Variants in DIDO1 observed in about 807,000 individuals in gnomAD.
DIDO1 encodes the protein death inducer-obliterator 1, also known as death-inducer obliterator 1.
A neutral mutation model predicts 99.4 loss-of-function variants in DIDO1; 16 were observed. That is an observed-to-expected ratio of 0.16 (90% CI 0.11 to 0.24). The LOEUF (loss-of-function observed/expected upper bound fraction) is 0.24. DIDO1 is among the 10% of genes least tolerant of loss of function. The pLI, the probability that DIDO1 is intolerant of heterozygous loss-of-function variation, is 1.00. For synonymous variants in DIDO1, 1,366 were observed against 1,239.1 expected, an observed-to-expected ratio of 1.10 and a Z score of -2.15; for missense variants, 2,996 against 3,014.0, an observed-to-expected ratio of 0.99 and a Z score of 0.14.
rs2065001381 is a variant in DIDO1 at position 62,914,362 on chromosome 20, TCAA to T, written c.-158_-156del. The T allele has an allele frequency of 6.6e-6, 1 of 152,310 alleles. No individual in the cohort carries two copies. The highest frequency in any genetic ancestry group is 2.1e-4 in the South Asian group (1 of 4,826). 9.4% of individuals were successfully genotyped at this position (152,310 alleles called of 1,614,324 possible). A position where few individuals can be genotyped will look rare whatever the true frequency, so the allele number is the denominator to read the frequency against. Reference sequence around the variant, plus strand: ...TTCACGAGTAACAGGCTTCGTATTTTCAACAACTCAGATTATCTAGAGGCTGTT... The same window carrying T: ...TTCACGAGTAACAGGCTTCGTATTTTCAACTCAGATTATCTAGAGGCTGTT... On this transcript the variant is annotated 5_prime_UTR_variant, in exon 2 of 16. Transcript: ENST00000395343.
At position 62,904,547 on chromosome 20, in the gene DIDO1, G is replaced by A. The variant is rs141361266; in HGVS notation, c.1588+1340C>T. Among the ~76,000 whole-genome samples the A allele has an allele frequency of 2.7e-3, 404 of 152,096 alleles. 1 individual carries two copies. Among genetic ancestry groups the A allele is most frequent in the African/African-American group, 9.0e-3 (374 of 41,488 alleles). On this transcript the variant is annotated intron_variant, in intron 6 of 15. Coordinates refer to ENST00000395343, the MANE Select transcript of DIDO1 (RefSeq NM_001193369.2). Reference sequence around the variant, plus strand: ...GCAATTCCAGCACTCTGGGAAGGCCGAGTTGGGCAGATCACATGAGGCCAG... The same window carrying A: ...GCAATTCCAGCACTCTGGGAAGGCCAAGTTGGGCAGATCACATGAGGCCAG...
intron 1 of DIDO1, among the ~76,000 whole-genome samples, chr20:62,935,581 G>A (rs1402670691): frequency 6.6e-6 from 1 of 152,176 alleles, no homozygotes; most frequent in Non-Finnish European, 1.5e-5. Flanking sequence ...GCCTAGGGAA[G>A]GCTGTTAGCT....
chr20:62,917,945 A>AACACAAAGAACTGTGGC (rs2065068512), intron 1 of DIDO1, among the ~76,000 whole-genome samples: 1 of 152,226 alleles, frequency 6.6e-6, no homozygotes, highest in Admixed American at 6.5e-5. Flanking sequence ...GAGTCCATGA[A>AACACAAAGAACTGTGGC]ACACAAAGAA....
In DIDO1 at chr20:62,895,108, T is replaced by G; in HGVS notation, c.2272A>C (p.Lys758Gln). ...TCTTTAGATACAAGTTCTTCTGGCT[T>G]CAGTCTCACAAGTTTCGCCAAAGAG... is the stretch of plus-strand genomic sequence containing the variant. Reference protein sequence around the residue: ...EISLAKLVRLKPEELVSKELS... With the variant: ...EISLAKLVRLQPEELVSKELS... Residue 758 changes from lysine to glutamine, a missense_variant, in exon 9 of 16, where the codon AAG becomes CAG. Physicochemically the swap from Lys to Gln is moderately conservative, Grantham distance 53. This residue lies in a region of DIDO1 where 898 missense variants were observed against 972.7 expected (regional missense o/e 0.92). Coordinates refer to ENST00000395343, the MANE Select transcript of DIDO1 (RefSeq NM_001193369.2). The G allele has an allele frequency of 2.5e-6, 4 of 1,612,044 alleles. No homozygotes were observed. The highest frequency in any genetic ancestry group is 3.4e-6 in the Non-Finnish European group (4 of 1,178,232).
At chr20:62,907,874 G>C (rs1174589776) in intron 4 of DIDO1, among the ~76,000 whole-genome samples, 2 of 152,274 alleles carry the variant, frequency 1.3e-5, no homozygotes, top group African/African-American at 4.8e-5. Flanking sequence ...GCTAGGATCT[G>C]AGGGCAAGGC....
intron 4 of DIDO1, among the ~76,000 whole-genome samples, chr20:62,909,344 G>A (rs112393065): frequency 3.3e-5 from 5 of 152,342 alleles, no homozygotes; most frequent in South Asian, 2.1e-4. Context: ...CAAGCACCCC[G>A]AGGAGCCAGC....
intron 15 of DIDO1, chr20:62,888,626 CA>C (rs1254392322): frequency 1.0e-6 from 1 of 985,480 alleles, no homozygotes; most frequent in Non-Finnish European, 1.2e-6. Context: ...TCCGCTGAGA[CA>C]GGGGAAACAT....
At chr20:62,902,679 C>T (rs2064710441) in intron 6 of DIDO1, among the ~76,000 whole-genome samples, 1 of 152,210 alleles carries the variant, frequency 6.6e-6, no homozygotes, top group Non-Finnish European at 1.5e-5. Flanking sequence ...GTCCATTTCA[C>T]CCCACCAGGG....
At chr20:62,937,074 G>C (rs911883445) in intron 1 of DIDO1, among the ~76,000 whole-genome samples, 3 of 152,214 alleles carry the variant, frequency 2.0e-5, no homozygotes, top group African/African-American at 7.2e-5. Context: ...TCGCTGAGTA[G>C]ACCGACCGAC....
At chr20:62,927,884 T>C (rs78390644), upstream of DIDO1, among the ~76,000 whole-genome samples, 132 of 152,246 alleles carry the variant, frequency 8.7e-4, 1 homozygote, top group East Asian at 0.019. Context: ...CCATCTTGAG[T>C]GTGATCTCAG....
At chr20:62,899,154 C>CA (rs1300784992) in intron 6 of DIDO1, among the ~76,000 whole-genome samples, 1 of 152,126 alleles carries the variant, frequency 6.6e-6, no homozygotes, top group African/African-American at 2.4e-5. Flanking sequence ...AGGCGGCAGA[C>CA]AGACACCTGC....
intron 1 of DIDO1, among the ~76,000 whole-genome samples, chr20:62,923,876 C>G (rs376714622): frequency 6.6e-6 from 1 of 152,224 alleles, no homozygotes; most frequent in African/African-American, 2.4e-5. Flanking sequence ...AACTTACACA[C>G]GATTACAACC....
In DIDO1 at chr20:62,905,984, A is replaced by G; in HGVS notation, c.1491T>C (p.Ala497=). 1 of 1,614,050 alleles carries G rather than the reference A, an allele frequency of 6.2e-7. No homozygotes were observed. The highest frequency in any genetic ancestry group is 8.5e-7 in the Non-Finnish European group (1 of 1,180,018). ...CCCACGACGGCGTGCTGCTCTCACA[A>G]GCTGCTTCCTTCCCGAGTGCTTCAC... The part of the protein sequence containing the change: ...ARSEALGKEA[A]CESSTPSWAS... Residue 497 remains alanine (A), a synonymous_variant, in exon 6 of 16, where the codon GCT becomes GCC. Coordinates refer to ENST00000395343, the MANE Select transcript of DIDO1 (RefSeq NM_001193369.2).
At position 62,879,716 on chromosome 20, in the gene DIDO1, G is replaced by C. The variant is rs775290711; in HGVS notation, c.6240C>G (p.Asn2080Lys). ...FREGKGHEYR[N>K]QTFEGRQRER... Reference sequence around the variant, plus strand: ...CTCTCTGCCTCCCTTCGAAAGTCTGGTTTCTGTATTCGTGGCCTTTCCCCT... The same window carrying C: ...CTCTCTGCCTCCCTTCGAAAGTCTGCTTTCTGTATTCGTGGCCTTTCCCCT... Residue 2080 changes from asparagine to lysine, a missense_variant, in exon 16 of 16, where the codon AAC becomes AAG. Asn to Lys is a moderately conservative substitution (Grantham distance 94). This residue lies in a region of DIDO1 where 1,562 missense variants were observed against 1,412.6 expected (regional missense o/e 1.11). Transcript: ENST00000395343. This position sits in a 1 kb window ranked among gnomAD's most constrained non-coding sequence, Gnocchi z 6.3. 4 of 1,611,466 alleles carry C rather than the reference G, an allele frequency of 2.5e-6. No individual in the cohort carries two copies. Among genetic ancestry groups the C allele is most frequent in the African/African-American group, 1.3e-5 (1 of 74,894 alleles).
rs745359035 is a variant in DIDO1 at position 62,881,094 on chromosome 20, G to A, written c.4862C>T (p.Ser1621Leu). The A allele has an allele frequency of 2.8e-5, 45 of 1,608,656 alleles. No individual in the cohort carries two copies. The highest frequency in any genetic ancestry group is 3.6e-5 in the Non-Finnish European group (42 of 1,179,368). The change falls in exon 16 of 16, where the codon TCG becomes TTG. Residue 1621 changes from serine to leucine, a missense_variant. By Grantham distance (145) the Ser-to-Leu change is moderately radical. Transcript: ENST00000395343. The surrounding 1 kb of genome is among the most constrained non-coding windows in gnomAD (Gnocchi z 8.3). ...EKEPASSPWA[S>L]GEKPPAGSEQ... Reference sequence around the variant, plus strand: ...GGACCCCGCTGGGGGCTTTTCGCCCGAAGCCCAGGGGGAAGAGGCTGGCTC... The same window carrying A: ...GGACCCCGCTGGGGGCTTTTCGCCCAAAGCCCAGGGGGAAGAGGCTGGCTC...
At chr20:62,909,378 G>A (rs2064875475) in intron 4 of DIDO1, among the ~76,000 whole-genome samples, 1 of 152,250 alleles carries the variant, frequency 6.6e-6, no homozygotes, top group South Asian at 2.1e-4. Context: ...GGCAGCTGGA[G>A]ACAGCAGGTG....
At chr20:62,905,152 A>C in intron 6 of DIDO1, 1 of 1,036,076 alleles carries the variant, frequency 9.7e-7, no homozygotes, top group Non-Finnish European at 1.2e-6. Context: ...TTAAGAGTCT[A>C]AACATTCAAG....
At chr20:62,883,967 C>T (rs1230843800) in intron 15 of DIDO1, among the ~76,000 whole-genome samples, 6 of 152,192 alleles carry the variant, frequency 3.9e-5, no homozygotes, top group Admixed American at 3.9e-4. Context: ...GATCGTGCCA[C>T]TGAACTCCAG....
At position 62,879,234 on chromosome 20, in the gene DIDO1, T is replaced by C; in HGVS notation, c.6722A>G (p.Ter2241TrpextTer10). ...AGGGTCTCTGCCCGGCCGGGGCGTC[T>C]AGGCCTGCGAGGCGGTGCCAGCGTC... The part of the protein sequence containing the change: ...ASDAGTASQA[*>W] Residue 2241 changes from the stop codon to tryptophan, a stop_lost, in exon 16 of 16, where the codon TAG becomes TGG. Transcript: ENST00000395343. This position sits in a 1 kb window ranked among gnomAD's most constrained non-coding sequence, Gnocchi z 6.3. 6.6e-7 allele frequency: 1 copy of C among 1,517,006 alleles called. No homozygotes were observed. Among genetic ancestry groups the C allele is most frequent in the Non-Finnish European group, 8.8e-7 (1 of 1,137,992 alleles). The allele number at this position is 1,517,006 out of a possible 1,614,324, so 94.0% of individuals were successfully genotyped here. A position where few individuals can be genotyped will look rare whatever the true frequency, so the allele number is the denominator to read the frequency against.
Sources: gnomAD v4.1 joint callset for allele counts (sites outside exome capture counted in the v4.1 genomes callset) on GRCh38, gnomAD v4.1.1 for gene constraint, gnomAD v4.1.1 regional missense constraint, Gnocchi (gnomAD v3.1) non-coding constraint, MANE v1.5 for transcripts, NCBI Gene and HGNC (gene_info 2026-07-23, HGNC 2026-07-21) for gene names.